Variants in DLG1 observed in about 807,000 individuals in gnomAD.
The protein encoded by DLG1 is discs large MAGUK scaffold protein 1, also known as disks large homolog 1.
A neutral mutation model predicts 123.4 loss-of-function variants in DLG1; 42 were observed. The observed-to-expected ratio is 0.34, with a 90% confidence interval of 0.27 to 0.44. DLG1 has a LOEUF of 0.44. Among genes scored for constraint, DLG1 ranks in the 20% least tolerant of loss-of-function variants. DLG1 has a pLI of 1.00. For synonymous variants in DLG1, 317 were observed against 356.2 expected (o/e 0.89, Z 1.24); for missense variants, 942 against 1,082.6 (o/e 0.87, Z 1.82).
Position 197,298,583 on chromosome 3 carries a change from G to T in DLG1, c.-79C>A. 1 of 397,490 alleles carries T rather than the reference G, an allele frequency of 2.5e-6. No individual in the cohort carries two copies. The highest frequency in any genetic ancestry group is 4.4e-6 in the Non-Finnish European group (1 of 225,546). The allele number at this position is 397,490 out of a possible 1,614,324, so 24.6% of individuals were successfully genotyped here. On this transcript the variant is annotated 5_prime_UTR_variant, in exon 1 of 25. Transcript: ENST00000667157. ...CAGCAGTGCCGTTTCCAACTCCGCG[G>T]CAGAGACAGCGCCTGGCGACCCCGG...
intron 5 of DLG1, among the ~76,000 whole-genome samples, chr3:197,164,353 C>T (rs951463689): frequency 5.9e-5 from 9 of 151,916 alleles, no homozygotes; most frequent in East Asian, 1.9e-4. Context: ...GCCTAGATTG[C>T]GCCATTGCAC....
chr3:197,252,674 G>A (rs747544122), intron 4 of DLG1, among the ~76,000 whole-genome samples: 3 of 152,124 alleles, frequency 2.0e-5, no homozygotes, highest in African/African-American at 4.8e-5. Context: ...TAGTGGTAAC[G>A]GCTGCATTTC....
intron 4 of DLG1, among the ~76,000 whole-genome samples, chr3:197,264,667 T>G (rs1216984248): frequency 6.6e-6 from 1 of 152,178 alleles, no homozygotes; most frequent in East Asian, 1.9e-4. Flanking sequence ...CCTCAGGCGA[T>G]CCACCTGCCT....
chr3:197,199,621 G>C (rs1009609213), intron 4 of DLG1, among the ~76,000 whole-genome samples: 1 of 151,984 alleles, frequency 6.6e-6, no homozygotes, highest in Non-Finnish European at 1.5e-5. Flanking sequence ...AGAAACCTTG[G>C]GTTCATTACA....
chr3:197,271,665 G>C (rs1244350776), intron 4 of DLG1, among the ~76,000 whole-genome samples: 1 of 152,034 alleles, frequency 6.6e-6, no homozygotes, highest in Non-Finnish European at 1.5e-5. Context: ...AAATAGACTG[G>C]GGACAATTTT....
At chr3:197,091,175 A>T (rs1189024310) in intron 14 of DLG1, 149 bp from the exon 15 acceptor site, 1 of 511,106 alleles carries the variant, frequency 2.0e-6, no homozygotes, top group Non-Finnish European at 3.4e-6. Context: ...TGCCCAACAC[A>T]TAAATTTCAA....
At chr3:197,183,287 G>A (rs981522597) in intron 5 of DLG1, among the ~76,000 whole-genome samples, 1 of 152,258 alleles carries the variant, frequency 6.6e-6, no homozygotes, top group Admixed American at 6.5e-5. Flanking sequence ...AAAAGGAGAT[G>A]AGCATTATTA....
At position 197,270,432 on chromosome 3, in the gene DLG1, T is replaced by A. The variant is rs556594223; in HGVS notation, c.318+12247A>T. ...TTATCACACAAGCTACTCAAATAACTGATCATTAAAAGAAAGTAATGTAAA... is the reference window on the plus strand; with the variant it reads ...TTATCACACAAGCTACTCAAATAACAGATCATTAAAAGAAAGTAATGTAAA... On this transcript the variant is annotated intron_variant, in intron 4 of 24. Coordinates refer to ENST00000667157, the MANE Select transcript of DLG1 (RefSeq NM_001366207.1). 1.1e-4 allele frequency among the ~76,000 whole-genome samples: 17 copies of A among 152,254 alleles called. No homozygotes were observed. The South Asian group carries it at 1.2e-3, about 11-fold the overall frequency.
intron 13 of DLG1, among the ~76,000 whole-genome samples, chr3:197,113,354 A>G (rs1771174456): frequency 6.6e-6 from 1 of 152,190 alleles, no homozygotes; most frequent in South Asian, 2.1e-4. Flanking sequence ...ATTAAAGAAG[A>G]GGGCATTTAA....
chr3:197,231,697 T>TAAA (rs11370331), intron 4 of DLG1, among the ~76,000 whole-genome samples: 20,571 of 126,428 alleles, frequency 0.16, 1,981 homozygotes, highest in African/African-American at 0.28. Context: ...CAGACCCTGT[T>TAAA]AAAAAAAAAA....
At chr3:197,075,688 T>C (rs931851173) in intron 18 of DLG1, 10 of 513,194 alleles carry the variant, frequency 1.9e-5, no homozygotes, top group Middle Eastern at 4.2e-4. Flanking sequence ...GTCCCAAGCA[T>C]GTGATAAACA....
At chr3:197,076,413 C>T (rs1389119623) in intron 18 of DLG1, among the ~76,000 whole-genome samples, 173 bp downstream of exon 18, 1 of 152,086 alleles carries the variant, frequency 6.6e-6, no homozygotes, top group Non-Finnish European at 1.5e-5. Flanking sequence ...TCCTAAGGTG[C>T]CAGAAAAAGT....
intron 24 of DLG1, among the ~76,000 whole-genome samples, chr3:197,051,194 C>T (rs973365674): frequency 4.6e-5 from 7 of 152,068 alleles, no homozygotes; most frequent in African/African-American, 1.2e-4. Flanking sequence ...ACCAACACGG[C>T]GAAACCCCAT....
intron 11 of DLG1, among the ~76,000 whole-genome samples, chr3:197,127,243 C>T (rs374160164): frequency 2.0e-5 from 3 of 150,018 alleles, no homozygotes; most frequent in Non-Finnish European, 4.4e-5. Context: ...GCCAACATGG[C>T]GAAACCCCGT....
chr3:197,052,228 G>A (rs1019654646), intron 23 of DLG1, among the ~76,000 whole-genome samples: 1 of 152,126 alleles, frequency 6.6e-6, no homozygotes, highest in Non-Finnish European at 1.5e-5. Flanking sequence ...GCCAAGGCAG[G>A]TGGATCACTT....
chr3:197,189,636 A>G (rs1477343007), intron 5 of DLG1, among the ~76,000 whole-genome samples: 2 of 152,198 alleles, frequency 1.3e-5, no homozygotes, highest in Non-Finnish European at 2.9e-5. Context: ...GATCCTGTTA[A>G]TACCTAACAA....
chr3:197,267,751 C>T (rs116276732), intron 4 of DLG1, among the ~76,000 whole-genome samples: 12 of 152,120 alleles, frequency 7.9e-5, no homozygotes, highest in African/African-American at 2.9e-4. Context: ...TATTCTTTTC[C>T]CGAGATAACC....
At chr3:197,221,625 GAAGA>G (rs1184837098) in intron 4 of DLG1, among the ~76,000 whole-genome samples, 2 of 152,106 alleles carry the variant, frequency 1.3e-5, no homozygotes, top group South Asian at 2.1e-4. Flanking sequence ...CTAGATGTGT[GAAGA>G]GAGAGCCTCA....
chr3:197,289,377 T>G (rs1197001284), intron 3 of DLG1, among the ~76,000 whole-genome samples: 1 of 136,374 alleles, frequency 7.3e-6, no homozygotes, highest in Non-Finnish European at 1.6e-5. Flanking sequence ...CAAATAACAT[T>G]CCAGGATATT....
Sources: gnomAD v4.1 joint callset for allele counts (sites outside exome capture counted in the v4.1 genomes callset) on GRCh38, gnomAD v4.1.1 for gene constraint, MANE v1.5 for transcripts, NCBI Gene and HGNC (gene_info 2026-07-23, HGNC 2026-07-21) for gene names.